Variants in SPSB1 observed in about 807,000 individuals in gnomAD.
The protein encoded by SPSB1 is SPRY domain-containing SOCS box protein 1.
In SPSB1, 8 loss-of-function variants were observed where a neutral mutation model predicts 21.2. The ratio of observed to expected loss-of-function variants is 0.38; its 90% confidence interval spans 0.22 to 0.68. The LOEUF is 0.68. SPSB1 is among the 30% of genes least tolerant of loss of function. The pLI is 0.53. For synonymous variants in SPSB1, 169 were observed against 161.7 expected, an observed-to-expected ratio of 1.05 and a Z score of -0.34; for missense variants, 242 against 377.8, an observed-to-expected ratio of 0.64 and a Z score of 2.98.
rs370713280 is a variant in SPSB1 at position 9,367,247 on chromosome 1, G to A, written c.695-201G>A. Among the ~76,000 whole-genome samples, 177 of 152,316 alleles carry A rather than the reference G, an allele frequency of 1.2e-3. No individual in the cohort carries two copies. Among genetic ancestry groups the A allele is most frequent in the African/African-American group, 4.1e-3 (170 of 41,564 alleles). On this transcript the variant is annotated intron_variant, in intron 2 of 2. Transcript: ENST00000328089. The surrounding 1 kb of genome is among the most constrained non-coding windows in gnomAD (Gnocchi z 5.9). The stretch of plus-strand genomic sequence containing the variant: ...TTAAATGAGTGTTAGCAGAGGGCTC[G>A]CCCAGGTGCCCAGCCCAGGGTGGGC...
chr1:9,312,969 G>T (rs1639547601), intron 1 of SPSB1, among the ~76,000 whole-genome samples: 1 of 152,178 alleles, frequency 6.6e-6, no homozygotes, highest in African/African-American at 2.4e-5. Flanking sequence ...AGACCAGTTT[G>T]CTTGATGTTT....
intron 1 of SPSB1, among the ~76,000 whole-genome samples, chr1:9,299,192 A>G (rs976688616): frequency 6.6e-6 from 1 of 152,260 alleles, no homozygotes. Flanking sequence ...CCTTCTCTTT[A>G]TACCTGTCCA....
At chr1:9,339,182 C>G in intron 1 of SPSB1, 3 of 982,882 alleles carry the variant, frequency 3.1e-6, no homozygotes, top group Non-Finnish European at 3.6e-6. Flanking sequence ...TCATTCTCCC[C>G]CCAGCGGTGA....
chr1:9,352,796 A>G (rs1304810860), intron 1 of SPSB1, among the ~76,000 whole-genome samples: 1 of 150,946 alleles, frequency 6.6e-6, no homozygotes, highest in Non-Finnish European at 1.5e-5. Context: ...ATTACCTGCT[A>G]GAGGACCTCT....
chr1:9,362,975 G>A (rs972650541), intron 2 of SPSB1, among the ~76,000 whole-genome samples: 10 of 152,338 alleles, frequency 6.6e-5, no homozygotes, highest in Non-Finnish European at 1.3e-4. Flanking sequence ...CCACCCCCTC[G>A]GTAGATTTCA....
intron 1 of SPSB1, among the ~76,000 whole-genome samples, chr1:9,312,250 G>A (rs993793402): frequency 5.9e-5 from 9 of 151,898 alleles, no homozygotes; most frequent in African/African-American, 4.8e-5. Context: ...TCTCGAACCC[G>A]TCCTGGGCTC....
chr1:9,315,818 T>C (rs1420089733), intron 1 of SPSB1, among the ~76,000 whole-genome samples: 2 of 152,246 alleles, frequency 1.3e-5, no homozygotes, highest in Admixed American at 6.5e-5. Context: ...CAGTTTCACA[T>C]GCTTGAGTTT....
chr1:9,329,704 CAAAAAAAA>C (rs370850231), intron 1 of SPSB1, among the ~76,000 whole-genome samples: 5 of 87,060 alleles, frequency 5.7e-5, no homozygotes, highest in Non-Finnish European at 1.4e-4. Context: ...AAAACAACAA[CAAAAAAAA>C]AAAAAAAAAA....
At chr1:9,339,412 C>A in intron 1 of SPSB1, 1 of 633,248 alleles carries the variant, frequency 1.6e-6, no homozygotes, top group Non-Finnish European at 2.0e-6. Context: ...CAGGTAATTC[C>A]GGGGCGAGTC....
intron 1 of SPSB1, among the ~76,000 whole-genome samples, chr1:9,336,879 G>A (rs1640013438): frequency 6.6e-6 from 1 of 152,178 alleles, no homozygotes. Flanking sequence ...ACCCAGGCGG[G>A]TACGGGTGAG....
intron 1 of SPSB1, among the ~76,000 whole-genome samples, chr1:9,320,795 T>G (rs533833339): frequency 6.6e-6 from 1 of 152,258 alleles, no homozygotes; most frequent in South Asian, 2.1e-4. Context: ...TGTTTCCTCG[T>G]GGGGGATTTT....
intron 1 of SPSB1, among the ~76,000 whole-genome samples, chr1:9,328,550 A>C (rs1279477789): frequency 1.3e-5 from 2 of 152,126 alleles, no homozygotes; most frequent in African/African-American, 2.4e-5. Context: ...ATAAACAGGG[A>C]CTCTAAGGCC....
At chr1:9,323,417 G>A (rs924775892) in intron 1 of SPSB1, among the ~76,000 whole-genome samples, 9 of 152,292 alleles carry the variant, frequency 5.9e-5, no homozygotes, top group African/African-American at 1.2e-4. Context: ...CTCGCGGCCC[G>A]TTGGCAGAGA....
Position 9,293,079 on chromosome 1 carries a change from G to T in SPSB1, c.-150+8G>T. 1 of 979,510 alleles carries T rather than the reference G, an allele frequency of 1.0e-6. No homozygotes were observed. The highest frequency in any genetic ancestry group is 4.5e-5 in the South Asian group (1 of 22,052). The allele number at this position is 979,510 out of a possible 1,614,324, so 60.7% of individuals were successfully genotyped here. ...GGCGGCACCCCGGGCGCGGTAGGCG[G>T]CGCGGGGCACCTGGGACCCCGATGG... On this transcript the variant is annotated splice_region_variant and intron_variant, in intron 1 of 2. Transcript: ENST00000328089. The surrounding 1 kb of genome is among the most constrained non-coding windows in gnomAD (Gnocchi z 5.1).
chr1:9,366,926 C>T (rs1398095354), intron 2 of SPSB1, among the ~76,000 whole-genome samples: 4 of 152,172 alleles, frequency 2.6e-5, no homozygotes, highest in Non-Finnish European at 5.9e-5. Flanking sequence ...CAGCTGGTAA[C>T]AGAAAATGAT....
At chr1:9,323,147 C>G (rs1026785601) in intron 1 of SPSB1, among the ~76,000 whole-genome samples, 4 of 152,248 alleles carry the variant, frequency 2.6e-5, no homozygotes, top group African/African-American at 9.6e-5. Context: ...TTCCTTCCTG[C>G]TGCCATGTTG....
chr1:9,352,807 C>T (rs1371531670), intron 1 of SPSB1, among the ~76,000 whole-genome samples: 1 of 151,550 alleles, frequency 6.6e-6, no homozygotes, highest in African/African-American at 2.4e-5. Flanking sequence ...GAGGACCTCT[C>T]CCCGCCACCT....
At chr1:9,358,715 C>G (rs890048909) in intron 2 of SPSB1, among the ~76,000 whole-genome samples, 2 of 152,190 alleles carry the variant, frequency 1.3e-5, no homozygotes, top group Non-Finnish European at 2.9e-5. Context: ...CCCACTGAGA[C>G]TGTGGGGCCC....
chr1:9,357,081 A>ATGGG (rs1392705610), intron 2 of SPSB1, among the ~76,000 whole-genome samples: 2 of 151,002 alleles, frequency 1.3e-5, no homozygotes, highest in Non-Finnish European at 3.0e-5. Context: ...GAACGGATGG[A>ATGGG]TGGGTGGGTG....
Sources: gnomAD v4.1 joint callset for allele counts (sites outside exome capture counted in the v4.1 genomes callset) on GRCh38, gnomAD v4.1.1 for gene constraint, Gnocchi (gnomAD v3.1) non-coding constraint, MANE v1.5 for transcripts, NCBI Gene and HGNC (gene_info 2026-07-23, HGNC 2026-07-21) for gene names.